MDGA2: variants seen among roughly 807,000 people sequenced by gnomAD.
The protein encoded by MDGA2 is MAM domain containing glycosylphosphatidylinositol anchor 2, also known as MAM domain-containing glycosylphosphatidylinositol anchor protein 2.
In MDGA2, 40 loss-of-function variants were observed where a neutral mutation model predicts 117.8. The ratio of observed to expected loss-of-function variants is 0.34; its 90% confidence interval spans 0.26 to 0.44. The LOEUF (loss-of-function observed/expected upper bound fraction) is 0.44. Ranked by LOEUF, MDGA2 falls within the 20% of genes least tolerant of loss-of-function variation. The probability of loss-of-function intolerance (pLI) is 1.00; values close to 1 mark genes in which losing one functional copy is unlikely to be tolerated. For synonymous variants in MDGA2, 452 were observed against 439.0 expected (o/e 1.03, Z -0.37); for missense variants, 1,123 against 1,250.6 (o/e 0.90, Z 1.54).
At chr14:46,949,372 T>G (rs2138606292) in intron 9 of MDGA2, among the ~76,000 whole-genome samples, 1 of 152,074 alleles carries the variant, frequency 6.6e-6, no homozygotes, top group Non-Finnish European at 1.5e-5. Flanking sequence ...TTTTTAAGAT[T>G]TTTGGGGCAT....
intron 8 of MDGA2, among the ~76,000 whole-genome samples, chr14:47,026,860 C>T (rs1594541440): frequency 6.6e-6 from 1 of 152,076 alleles, no homozygotes; most frequent in Non-Finnish European, 1.5e-5. Context: ...GGAACAGAGG[C>T]ATGTAAACTT....
intron 1 of MDGA2, among the ~76,000 whole-genome samples, chr14:47,315,362 C>T (rs1442866701): frequency 6.6e-6 from 1 of 152,104 alleles, no homozygotes; most frequent in African/African-American, 2.4e-5. Flanking sequence ...CTTTGCCCTA[C>T]CAAGTCTGCC....
chr14:47,044,312 T>G (rs999931233), intron 7 of MDGA2, among the ~76,000 whole-genome samples: 1 of 152,162 alleles, frequency 6.6e-6, no homozygotes, highest in Non-Finnish European at 1.5e-5. Context: ...TCTACTAGAC[T>G]TTGATTTGGA....
chr14:47,163,390 T>A (rs546268999), intron 3 of MDGA2, among the ~76,000 whole-genome samples: 78 of 152,224 alleles, frequency 5.1e-4, no homozygotes, highest in African/African-American at 1.7e-3. Context: ...CTGGTGGGAA[T>A]CATGACTGAA....
chr14:47,623,624 C>T (rs918356891), intron 1 of MDGA2, among the ~76,000 whole-genome samples: 1 of 152,018 alleles, frequency 6.6e-6, no homozygotes, highest in African/African-American at 2.4e-5. Flanking sequence ...TCCCATTCAT[C>T]ATAAACACCT....
At chr14:47,010,342 A>AG (rs988531122) in intron 8 of MDGA2, among the ~76,000 whole-genome samples, 2 of 41,210 alleles carry the variant, frequency 4.9e-5, no homozygotes, top group Non-Finnish European at 1.1e-4. Context: ...TTAAGATCTT[A>AG]GGAAAAAAAT....
chr14:47,271,922 T>C (rs1160221770), intron 2 of MDGA2, among the ~76,000 whole-genome samples: 1 of 152,164 alleles, frequency 6.6e-6, no homozygotes, highest in Non-Finnish European at 1.5e-5. Flanking sequence ...AAAATCACTT[T>C]TAAGTTGATA....
chr14:47,050,514 T>C (rs1373641852), intron 7 of MDGA2, among the ~76,000 whole-genome samples: 1 of 152,070 alleles, frequency 6.6e-6, no homozygotes, highest in East Asian at 1.9e-4. Context: ...TCTGTGTTTC[T>C]GTTATACACT....
At chr14:46,935,315 C>A (rs925139946) in intron 9 of MDGA2, among the ~76,000 whole-genome samples, 2 of 152,062 alleles carry the variant, frequency 1.3e-5, no homozygotes, top group Non-Finnish European at 2.9e-5. Context: ...GTTCTCTTAC[C>A]AATCCAGCTC....
At position 47,589,163 on chromosome 14, in the gene MDGA2, G is replaced by A. The variant is rs1484329995; in HGVS notation, c.280+85354C>T. ...TGCAGGCTTTGAAGATTCAAATGTC[G>A]ACATCTTTGTGGGGCAGTTATTTTA... On this transcript the variant is annotated intron_variant, in intron 1 of 16. Coordinates refer to ENST00000399232, the MANE Select transcript of MDGA2 (RefSeq NM_001113498.3). Among the ~76,000 whole-genome samples the A allele has an allele frequency of 4.0e-5, 6 of 151,762 alleles. No homozygotes were observed. The South Asian group carries it at 6.2e-4, about 16-fold the overall frequency.
intron 1 of MDGA2, among the ~76,000 whole-genome samples, chr14:47,355,716 A>C (rs903975319): frequency 6.6e-6 from 1 of 152,032 alleles, no homozygotes; most frequent in Non-Finnish European, 1.5e-5. Context: ...TGTCATCCCA[A>C]CCACCTGGGC....
intron 1 of MDGA2, among the ~76,000 whole-genome samples, chr14:47,669,557 A>G (rs550966510): frequency 8.5e-5 from 13 of 152,300 alleles, no homozygotes; most frequent in African/African-American, 3.1e-4. Flanking sequence ...TAATATGACC[A>G]ACAAGGACAA....
chr14:47,545,978 A>T (rs1033184310), intron 1 of MDGA2, among the ~76,000 whole-genome samples: 4 of 152,174 alleles, frequency 2.6e-5, no homozygotes, highest in African/African-American at 9.7e-5. Flanking sequence ...AAACATTTAG[A>T]TGCTTTAAGC....
At chr14:46,908,760 T>C (rs1220022858) in intron 10 of MDGA2, among the ~76,000 whole-genome samples, 2 of 152,188 alleles carry the variant, frequency 1.3e-5, no homozygotes, top group Admixed American at 6.5e-5. Context: ...ATATAGTTTT[T>C]AAGAATAAGT....
chr14:47,212,574 T>C (rs1885924741), intron 3 of MDGA2, among the ~76,000 whole-genome samples: 1 of 152,178 alleles, frequency 6.6e-6, no homozygotes, highest in Non-Finnish European at 1.5e-5. Flanking sequence ...TATTTTTAAG[T>C]GTTCAACTTC....
intron 1 of MDGA2, among the ~76,000 whole-genome samples, chr14:47,402,602 T>C (rs111633129): frequency 7.4e-4 from 112 of 152,266 alleles, no homozygotes; most frequent in African/African-American, 2.6e-3. Flanking sequence ...AAGAGGAGAA[T>C]GTAAAAGAAG....
chr14:47,060,342 C>T (rs1044971574), intron 7 of MDGA2, among the ~76,000 whole-genome samples: 1 of 152,038 alleles, frequency 6.6e-6, no homozygotes, highest in African/African-American at 2.4e-5. Context: ...TGAGAAGGCA[C>T]AAAATTATAG....
chr14:46,929,649 A>ATATATATATATATTTTTTTTTTTTTT (rs1884485655), intron 9 of MDGA2, among the ~76,000 whole-genome samples: 1 of 13,710 alleles, frequency 7.3e-5, no homozygotes, highest in African/African-American at 3.1e-4. Context: ...ATATATATAC[A>ATATATATATATATTTTTTTTTTTTTT]TTTTTTTTTT....
intron 1 of MDGA2, among the ~76,000 whole-genome samples, chr14:47,660,053 T>A (rs952216156): frequency 4.6e-5 from 7 of 151,998 alleles, no homozygotes; most frequent in African/African-American, 9.7e-5. Context: ...TTTTTTTTTT[T>A]AAAGAAGAGA....
Sources: allele counts gnomAD v4.1 joint callset (sites outside exome capture counted in the v4.1 genomes callset), GRCh38; gene constraint gnomAD v4.1.1; transcripts MANE v1.5; gene names NCBI Gene and HGNC (gene_info 2026-07-23, HGNC 2026-07-21).